BRCA1: variants seen among roughly 807,000 people sequenced by gnomAD.
BRCA1 encodes BRCA1 DNA repair associated, also known as breast cancer type 1 susceptibility protein.
BRCA1 carries 140 observed loss-of-function variants against 173.7 expected under a neutral mutation model. The ratio of observed to expected loss-of-function variants is 0.81; its 90% confidence interval spans 0.70 to 0.93. The LOEUF is 0.93. Among genes scored for constraint, BRCA1 ranks in the 40% least tolerant of loss-of-function variants. The probability of loss-of-function intolerance (pLI) is 0.00; values close to 1 mark genes in which losing one functional copy is unlikely to be tolerated. For missense variants in BRCA1, 1,983 were observed against 2,172.5 expected (o/e 0.91, Z 1.73); for synonymous variants, 662 against 756.0 (o/e 0.88, Z 2.04).
At chr17:43,127,719 A>C (rs534944244), upstream of BRCA1, among the ~76,000 whole-genome samples, 11 of 152,262 alleles carry the variant, frequency 7.2e-5, no homozygotes, top group Admixed American at 1.3e-4. Context: ...GGGGTCAGAT[A>C]AGGGAATAAA....
At chr17:43,078,524 T>C (rs1567780972) in intron 12 of BRCA1, among the ~76,000 whole-genome samples, 1 of 152,256 alleles carries the variant, frequency 6.6e-6, no homozygotes, top group African/African-American at 2.4e-5. Context: ...TGCAAAAGTC[T>C]TCTATTCATT....
At chr17:43,165,216 A>T (rs746818746) in intron 1 of BRCA1, among the ~76,000 whole-genome samples, 2 of 152,186 alleles carry the variant, frequency 1.3e-5, no homozygotes, top group African/African-American at 2.4e-5. Context: ...TTTGCAAAAG[A>T]GCAGGTTGGT....
chr17:43,145,867 G>T (rs1318734832), intron 1 of BRCA1, among the ~76,000 whole-genome samples: 1 of 152,068 alleles, frequency 6.6e-6, no homozygotes, highest in Non-Finnish European at 1.5e-5. Context: ...ATAGATGGGG[G>T]TTAGTTTTTA....
In BRCA1 at chr17:43,063,330, TA is replaced by T. The variant is rs273901751; in HGVS notation, c.5193+2del. The T allele has an allele frequency of 1.9e-6, 3 of 1,606,084 alleles. No homozygotes were observed. The highest frequency in any genetic ancestry group is 1.7e-6 in the Non-Finnish European group (2 of 1,172,726). ...TGGTTAGTTTGTAACATCAAGTACTTACCTCATTCAGCATTTTTCTTTCTTT... is the reference window on the plus strand; with the variant it reads ...TGGTTAGTTTGTAACATCAAGTACTTCCTCATTCAGCATTTTTCTTTCTTT... On this transcript the variant is annotated splice_donor_variant, in intron 18 of 22. Coordinates refer to ENST00000357654, the MANE Select transcript of BRCA1 (RefSeq NM_007294.4). LOFTEE classifies it high-confidence loss of function.
intron 6 of BRCA1, among the ~76,000 whole-genome samples, chr17:43,100,679 A>ATGT (rs2054418273): frequency 1.2e-4 from 1 of 8,436 alleles, no homozygotes; most frequent in South Asian, 4.6e-3. Flanking sequence ...TATATATATA[A>ATGT]TATATATATA....
chr17:43,110,469 C>A, intron 3 of BRCA1: 1 of 359,950 alleles, frequency 2.8e-6, no homozygotes, highest in South Asian at 2.1e-5. Flanking sequence ...ACTTACAGTC[C>A]CAGCTACTTG....
chr17:43,123,349 G>GTTTTTT (rs149379936), intron 2 of BRCA1, among the ~76,000 whole-genome samples: 80 of 85,108 alleles, frequency 9.4e-4, no homozygotes, highest in East Asian at 1.8e-3. Flanking sequence ...GATCATCCAT[G>GTTTTTT]TTTTTTTTTT....
intron 2 of BRCA1, among the ~76,000 whole-genome samples, chr17:43,117,693 C>T (rs2055358855): frequency 6.6e-6 from 1 of 152,098 alleles, no homozygotes; most frequent in Non-Finnish European, 1.5e-5. Context: ...GAGCCAAGAT[C>T]GCGCCACTGT....
intron 12 of BRCA1, among the ~76,000 whole-genome samples, chr17:43,080,657 A>G (rs2052964570): frequency 6.6e-6 from 1 of 152,044 alleles, no homozygotes; most frequent in Admixed American, 6.6e-5. Flanking sequence ...ATAAAAAAAA[A>G]AATTAGCTGG....
intron 4 of BRCA1, among the ~76,000 whole-genome samples, chr17:43,106,139 A>G (rs1195403041): frequency 6.6e-6 from 1 of 151,828 alleles, no homozygotes; most frequent in Non-Finnish European, 1.5e-5. Flanking sequence ...AAAAAAAGAA[A>G]AGGAAACACA....
At chr17:43,065,530 G>A (rs2052029674) in intron 16 of BRCA1, among the ~76,000 whole-genome samples, 1 of 152,148 alleles carries the variant, frequency 6.6e-6, no homozygotes, top group South Asian at 2.1e-4. Context: ...TAGGTATGGT[G>A]GTGCATTCCT....
intron 11 of BRCA1, among the ~76,000 whole-genome samples, chr17:43,085,275 C>G (rs2053184094): frequency 6.6e-6 from 1 of 152,034 alleles, no homozygotes; most frequent in South Asian, 2.1e-4. Flanking sequence ...GCAGAAGAAT[C>G]ACTTGAACCC....
intron 1 of BRCA1, among the ~76,000 whole-genome samples, chr17:43,142,828 C>T (rs2056084674): frequency 6.6e-6 from 1 of 152,054 alleles, no homozygotes; most frequent in Non-Finnish European, 1.5e-5. Context: ...ACCACAACCT[C>T]CACTTCCCAG....
chr17:43,063,855 G>T lies in BRCA1; in HGVS notation c.5152+19C>A. 2 of 1,598,242 alleles carry T rather than the reference G, an allele frequency of 1.3e-6. No homozygotes were observed. The highest frequency in any genetic ancestry group is 1.7e-6 in the Non-Finnish European group (2 of 1,165,612). On this transcript the variant is annotated intron_variant, in intron 17 of 22. Transcript: ENST00000357654. ...CTGAGGTGTTAAAGGGAGGAGGGGA[G>T]AAATAGTATTATACTTACAGAAATA...
chr17:43,131,968 GA>G (rs368814231), intron 1 of BRCA1, among the ~76,000 whole-genome samples: 138 of 152,154 alleles, frequency 9.1e-4, no homozygotes, highest in Non-Finnish European at 1.5e-3. Context: ...ATATTTGGTA[GA>G]AATGGGGTTT....
intron 1 of BRCA1, among the ~76,000 whole-genome samples, chr17:43,168,787 T>A (rs1297434066): frequency 6.6e-6 from 1 of 152,242 alleles, no homozygotes; most frequent in Non-Finnish European, 1.5e-5. Flanking sequence ...ACCCTTTGGG[T>A]CTTTTCCTTT....
rs966965113 is a variant in BRCA1 at position 43,160,230 on chromosome 17, G to A, written c.-20+9896C>T. 5.3e-5 allele frequency: 8 copies of A among 152,074 alleles called. No homozygotes were observed. In the South Asian group the frequency reaches 1.0e-3, roughly 20 times the overall value. 9.4% of individuals were successfully genotyped at this position (152,074 alleles called of 1,614,324 possible). ...CTAATTTTTTTGTATTTTTTTAGTA[G>A]AGATGGGGTTTCACCTGTAGCAGGA... On this transcript the variant is annotated intron_variant, in intron 1 of 7. Transcript: ENST00000634433.
In BRCA1 at chr17:43,049,201, T is replaced by C. The variant is rs538969920; in HGVS notation, c.5333-7A>G. Reference sequence around the variant, plus strand: ...ACCATCCATTCCAGTTGATCTAAAATGGACATTTAGATGTAAAATCACTGC... The same window carrying C: ...ACCATCCATTCCAGTTGATCTAAAACGGACATTTAGATGTAAAATCACTGC... On this transcript the variant is annotated splice_polypyrimidine_tract_variant and splice_region_variant and intron_variant, in intron 20 of 22. Transcript: ENST00000357654. 6 of 1,612,586 alleles carry C rather than the reference T, an allele frequency of 3.7e-6. No individual in the cohort carries two copies. The African/African-American group carries it at 4.0e-5, about 11-fold the overall frequency.
intron 22 of BRCA1, among the ~76,000 whole-genome samples, chr17:43,046,629 T>C (rs1316672240): frequency 6.6e-6 from 1 of 151,836 alleles, no homozygotes; most frequent in East Asian, 1.9e-4. Flanking sequence ...CTCAAACTCC[T>C]GATGTCAGGT....
Sources: allele counts gnomAD v4.1 joint callset (sites outside exome capture counted in the v4.1 genomes callset), GRCh38; gene constraint gnomAD v4.1.1; transcripts MANE v1.5; gene names NCBI Gene and HGNC (gene_info 2026-07-23, HGNC 2026-07-21).